The following MED20 variants were observed in gnomAD, a reference collection of about 807,000 sequenced individuals.
The protein encoded by MED20 is mediator complex subunit 20.
Under a neutral mutation model 19.7 loss-of-function variants are expected in MED20, and 19 were observed. The observed-to-expected ratio is 0.96, with a 90% CI of 0.67 to 1.42. MED20 has a LOEUF of 1.42. Ranked by LOEUF, MED20 falls within the 40% of genes most tolerant of loss-of-function variation. The probability of loss-of-function intolerance (pLI) is 0.00; values close to 1 mark genes in which losing one functional copy is unlikely to be tolerated. For synonymous variants in MED20, 105 were observed against 104.8 expected, an observed-to-expected ratio of 1.00 and a Z score of -0.01; for missense variants, 225 against 273.0, an observed-to-expected ratio of 0.82 and a Z score of 1.24.
intron 1 of MED20, chr6:41,917,476 T>G: frequency 4.3e-6 from 1 of 232,202 alleles, no homozygotes; most frequent in Non-Finnish European, 9.0e-6. Context: ...GTCCAATCTG[T>G]AACTGAATGT....
rs1398542403 is a variant in MED20 at position 41,905,685 on chromosome 6, T to C, written c.*1387A>G. 6.6e-6 allele frequency: 1 copy of C among 152,240 alleles called. No individual in the cohort carries two copies. The highest frequency in any genetic ancestry group is 1.5e-5 in the Non-Finnish European group (1 of 68,044). The allele number at this position is 152,240 out of a possible 1,614,324, so 9.4% of individuals were successfully genotyped here. A position where few individuals can be genotyped will look rare whatever the true frequency, so the allele number is the denominator to read the frequency against. Reference sequence around the variant, plus strand: ...ATCTCTGTGTATATCAAGGTTAACCTGGATGAATATTTCTGCAGCAGGCAT... The same window carrying C: ...ATCTCTGTGTATATCAAGGTTAACCCGGATGAATATTTCTGCAGCAGGCAT... On this transcript the variant is annotated 3_prime_UTR_variant, in exon 4 of 4. Coordinates refer to ENST00000265350, the MANE Select transcript of MED20 (RefSeq NM_004275.5).
At chr6:41,907,661 T>G (rs990722397) in intron 3 of MED20, among the ~76,000 whole-genome samples, 2 of 152,002 alleles carry the variant, frequency 1.3e-5, no homozygotes. Flanking sequence ...AAAATGTGTG[T>G]GGGGGTGGTA....
chr6:41,914,072 A>G (rs1331171946), intron 2 of MED20, among the ~76,000 whole-genome samples: 1 of 152,258 alleles, frequency 6.6e-6, no homozygotes, highest in African/African-American at 2.4e-5. Flanking sequence ...AGAAATGTAT[A>G]CAGGGAACAA....
Position 41,921,128 on chromosome 6 carries a change from C to G in MED20, c.-110G>C, listed in dbSNP as rs1202418576. On this transcript the variant is annotated 5_prime_UTR_variant, in exon 1 of 4. Transcript: ENST00000265350. Reference sequence around the variant, plus strand: ...ACACAACCTTCTGTCTCAGAAGGGACTCCGGAAATACGTAAAAACAGAGCG... The same window carrying G: ...ACACAACCTTCTGTCTCAGAAGGGAGTCCGGAAATACGTAAAAACAGAGCG... 1 of 1,410,720 alleles carries G rather than the reference C, an allele frequency of 7.1e-7. No individual in the cohort carries two copies. Among genetic ancestry groups the G allele is most frequent in the Middle Eastern group, 1.8e-4 (1 of 5,480 alleles). 87.4% of individuals were successfully genotyped at this position (1,410,720 alleles called of 1,614,324 possible). A position where few individuals can be genotyped will look rare whatever the true frequency, so the allele number is the denominator to read the frequency against.
At position 41,907,017 on chromosome 6, in the gene MED20, TGC is replaced by T; in HGVS notation, c.*53_*54del. Reference sequence around the variant, plus strand: ...GTCCAGGGACCTGAAAGTCAGCACCTGCTCCTCCTGTGGAGTACCCCTGGTGA... The same window carrying T: ...GTCCAGGGACCTGAAAGTCAGCACCTTCCTCCTGTGGAGTACCCCTGGTGA... On this transcript the variant is annotated 3_prime_UTR_variant, in exon 4 of 4. Coordinates refer to ENST00000265350, the MANE Select transcript of MED20 (RefSeq NM_004275.5). The T allele has an allele frequency of 6.5e-7, 1 of 1,546,962 alleles. No individual in the cohort carries two copies. The highest frequency in any genetic ancestry group is 8.9e-7 in the Non-Finnish European group (1 of 1,125,410).
Position 41,909,333 on chromosome 6 carries a change from C to T in MED20, c.359G>A (p.Cys120Tyr). 1 of 1,614,164 alleles carries T rather than the reference C, an allele frequency of 6.2e-7. No homozygotes were observed. Among genetic ancestry groups the T allele is most frequent in the Non-Finnish European group, 8.5e-7 (1 of 1,180,022 alleles). ...CGTGCCCACCTTCACCAGGAAGTCA[C>T]AGTACTGGTACCTGGTGCCCCGGGT... is the stretch of plus-strand genomic sequence containing the variant. ...IETRGTRYQY[C>Y]DFLVKVGTVT... The change falls in exon 3 of 4, where the codon TGT (cysteine) becomes TAT (tyrosine). Residue 120 changes from cysteine to tyrosine, a missense_variant. By Grantham distance (194) the Cys-to-Tyr change is radical. Coordinates refer to ENST00000265350, the MANE Select transcript of MED20 (RefSeq NM_004275.5).
chr6:41,917,608 G>A (rs1035121973), intron 1 of MED20: 3 of 364,618 alleles, frequency 8.2e-6, no homozygotes, highest in African/African-American at 4.2e-5. Flanking sequence ...CAGGATTCTC[G>A]CACCAGGGCA....
chr6:41,920,908 C>G (rs1445353807), intron 1 of MED20, 97 bp downstream of exon 1: 2 of 1,491,810 alleles, frequency 1.3e-6, no homozygotes, highest in African/African-American at 1.4e-5. Flanking sequence ...GAGGACATCT[C>G]CCTCAGCTCC....
Position 41,909,491 on chromosome 6 carries a change from G to T in MED20, c.201C>A (p.His67Gln), listed in dbSNP as rs1582054529. 3 of 1,614,248 alleles carry T rather than the reference G, an allele frequency of 1.9e-6. No individual in the cohort carries two copies. Among genetic ancestry groups the T allele is most frequent in the East Asian group, 4.5e-5 (2 of 44,890 alleles). Residue 67 changes from histidine (H) to glutamine (Q), a missense_variant, in exon 3 of 4, where the codon CAC becomes CAA. Transcript: ENST00000265350. Reference protein sequence around the residue: ...GQTGKLMYVMHNSEYPLSCFA... With the variant: ...GQTGKLMYVMQNSEYPLSCFA... Reference sequence around the variant, plus strand: ...AACAGCTCAATGGGTACTCTGAGTTGTGCATCACATACATCAGCTTCCCGG... The same window carrying T: ...AACAGCTCAATGGGTACTCTGAGTTTTGCATCACATACATCAGCTTCCCGG...
chr6:41,911,058 G>A (rs1280813226), intron 2 of MED20, among the ~76,000 whole-genome samples: 4 of 150,224 alleles, frequency 2.7e-5, no homozygotes, highest in Non-Finnish European at 4.4e-5. Flanking sequence ...GCAGTGAGCC[G>A]AGATCGTGCC....
At chr6:41,912,053 CTTTT>C (rs530288020) in intron 2 of MED20, among the ~76,000 whole-genome samples, 2 of 143,868 alleles carry the variant, frequency 1.4e-5, no homozygotes, top group East Asian at 4.0e-4. Context: ...TCCTTTTCTT[CTTTT>C]TTTTTTTTTG....
At chr6:41,919,058 G>A (rs1435228304) in intron 1 of MED20, among the ~76,000 whole-genome samples, 2 of 146,422 alleles carry the variant, frequency 1.4e-5, no homozygotes, top group East Asian at 2.0e-4. Context: ...GAACCCGGGA[G>A]GCGGAGCTTG....
rs1775325095 is a variant in MED20, at chr6:41,916,778, C to T, written c.169+7G>A. Reference sequence around the variant, plus strand: ...TTCCAGCCATCCTACAGACCCATCTCACTGACCTTGGCTGCCAAGGGTAGA... The same window carrying T: ...TTCCAGCCATCCTACAGACCCATCTTACTGACCTTGGCTGCCAAGGGTAGA... On this transcript the variant is annotated splice_region_variant and intron_variant, in intron 2 of 3. Transcript: ENST00000265350. 6.2e-7 allele frequency: 1 copy of T among 1,613,918 alleles called. No homozygotes were observed. Among genetic ancestry groups the T allele is most frequent in the Admixed American group, 1.7e-5 (1 of 60,020 alleles).
At chr6:41,920,918 C>A in intron 1 of MED20, 87 bp downstream of exon 1, 1 of 1,529,044 alleles carries the variant, frequency 6.5e-7, no homozygotes. Context: ...CCCTCAGCTC[C>A]CAGAGGACGG....
At chr6:41,913,302 A>T (rs757059883) in intron 2 of MED20, among the ~76,000 whole-genome samples, 1 of 152,126 alleles carries the variant, frequency 6.6e-6, no homozygotes, top group Admixed American at 6.6e-5. Context: ...CTGAAGCTCC[A>T]ATCCAGGCAT....
chr6:41,919,077 C>G (rs1170547697), intron 1 of MED20, among the ~76,000 whole-genome samples: 1 of 143,264 alleles, frequency 7.0e-6, no homozygotes, highest in Non-Finnish European at 1.5e-5. Flanking sequence ...TGCAGTGAGC[C>G]GAGATCACGC....
At chr6:41,910,875 A>C (rs2127376089) in intron 2 of MED20, among the ~76,000 whole-genome samples, 1 of 151,236 alleles carries the variant, frequency 6.6e-6, no homozygotes, top group East Asian at 2.0e-4. Context: ...TTGGGAGGCC[A>C]AGGTGGGTGG....
chr6:41,911,254 G>A (rs765444177), intron 2 of MED20, among the ~76,000 whole-genome samples: 3 of 151,240 alleles, frequency 2.0e-5, no homozygotes, highest in Non-Finnish European at 4.4e-5. Context: ...AGGTTCAAGT[G>A]ATTCTCTTGC....
At chr6:41,909,151 G>C in intron 3 of MED20, 118 bp downstream of exon 3, 2 of 1,377,838 alleles carry the variant, frequency 1.5e-6, no homozygotes, top group East Asian at 4.6e-5. Context: ...TCCAGCCTGG[G>C]TGACAGAACA....
Sources: gnomAD v4.1 joint callset for allele counts (sites outside exome capture counted in the v4.1 genomes callset) on GRCh38, gnomAD v4.1.1 for gene constraint, MANE v1.5 for transcripts, NCBI Gene and HGNC (gene_info 2026-07-23, HGNC 2026-07-21) for gene names.